Variants in IL23R observed in about 807,000 individuals in gnomAD.
IL23R encodes interleukin-23 receptor.
IL23R carries 34 observed loss-of-function variants against 56.9 expected under a neutral mutation model. The ratio of observed to expected loss-of-function variants is 0.60; its 90% CI spans 0.45 to 0.80. IL23R has a LOEUF of 0.80. Among genes scored for constraint, IL23R ranks in the 30% least tolerant of loss-of-function variants. The probability of loss-of-function intolerance (pLI) is 0.00; values close to 1 mark genes in which losing one functional copy is unlikely to be tolerated. For synonymous variants in IL23R, 230 were observed against 249.2 expected, an observed-to-expected ratio of 0.92 and a Z score of 0.73; for missense variants, 635 against 730.0, an observed-to-expected ratio of 0.87 and a Z score of 1.50.
At chr1:67,183,507 C>G (rs1375154031) in intron 4 of IL23R, among the ~76,000 whole-genome samples, 1 of 152,132 alleles carries the variant, frequency 6.6e-6, no homozygotes, top group African/African-American at 2.4e-5. Context: ...TGCACTCTAG[C>G]CTGGGCGACA....
intron 4 of IL23R, among the ~76,000 whole-genome samples, chr1:67,185,046 C>G (rs979044331): frequency 1.3e-5 from 2 of 152,196 alleles, no homozygotes; most frequent in African/African-American, 4.8e-5. Context: ...TCTGCTGATG[C>G]CTTGATCTTG....
chr1:67,242,913 CAGGT>C (rs1651943878), intron 9 of IL23R, among the ~76,000 whole-genome samples: 1 of 152,122 alleles, frequency 6.6e-6, no homozygotes, highest in South Asian at 2.1e-4. Context: ...AATGTCCAAT[CAGGT>C]AGCCAAATGT....
intron 7 of IL23R, among the ~76,000 whole-genome samples, chr1:67,228,151 T>TTTCCTTCCTTCCTTCCTTCCTTCCTTCC (rs71062406): frequency 6.9e-5 from 4 of 58,106 alleles, no homozygotes; most frequent in Non-Finnish European, 9.4e-5. Flanking sequence ...TGTCTTTCTT[T>TTTCCTTCCTTCCTTCCTTCCTTCCTTCC]TTCCTTCCTT....
At chr1:67,261,779 A>G (rs1440414054), downstream of IL23R, among the ~76,000 whole-genome samples, 4 of 152,240 alleles carry the variant, frequency 2.6e-5, no homozygotes, top group South Asian at 2.1e-4. Context: ...ATTGTAATCT[A>G]TCACACATGA....
intron 7 of IL23R, among the ~76,000 whole-genome samples, chr1:67,224,033 A>G (rs1277876310): frequency 6.6e-6 from 1 of 152,212 alleles, no homozygotes; most frequent in Non-Finnish European, 1.5e-5. Context: ...ACAGTCATTC[A>G]CAAAATACTC....
At chr1:67,232,893 T>A (rs1651192674) in intron 7 of IL23R, among the ~76,000 whole-genome samples, 1 of 151,866 alleles carries the variant, frequency 6.6e-6, no homozygotes, top group Non-Finnish European at 1.5e-5. Flanking sequence ...TCTCATGAGA[T>A]ATGATGGTTT....
At chr1:67,256,533 C>A (rs10889675) in intron 10 of IL23R, among the ~76,000 whole-genome samples, 17,856 of 152,152 alleles carry the variant, frequency 0.12, 1,574 homozygotes, top group Admixed American at 0.26. Flanking sequence ...TTCCTGATAA[C>A]CCCTGGCCCT....
chr1:67,262,288 C>G (rs1043279692), downstream of IL23R, among the ~76,000 whole-genome samples: 7 of 151,944 alleles, frequency 4.6e-5, no homozygotes, highest in Non-Finnish European at 1.0e-4. Flanking sequence ...GTCATTGCCC[C>G]CAAGGAGCTT....
intron 1 of IL23R, among the ~76,000 whole-genome samples, chr1:67,147,058 A>AT (rs143373276): frequency 1.8e-4 from 27 of 150,680 alleles, no homozygotes; most frequent in African/African-American, 2.7e-4. Context: ...CTTCTCTGAG[A>AT]TTTTTTTTTT....
chr1:67,200,647 A>G, intron 4 of IL23R, 90 bp from the exon 5 acceptor site: 1 of 1,368,402 alleles, frequency 7.3e-7, no homozygotes, highest in Non-Finnish European at 1.0e-6. Context: ...GGTCTCCCAA[A>G]ATGCTAGGAT....
At chr1:67,222,108 T>C (rs1227265430) in intron 7 of IL23R, among the ~76,000 whole-genome samples, 6 of 112,818 alleles carry the variant, frequency 5.3e-5, no homozygotes, top group African/African-American at 2.2e-4. Context: ...CTTTCTTTTT[T>C]TTTTTTTTTT....
At chr1:67,183,493 C>T (rs1312286827) in intron 4 of IL23R, among the ~76,000 whole-genome samples, 1 of 152,130 alleles carries the variant, frequency 6.6e-6, no homozygotes, top group Non-Finnish European at 1.5e-5. Flanking sequence ...CGAGACTGTG[C>T]CACTGCACTC....
Position 67,174,452 on chromosome 1 carries a change from A to G in IL23R, c.367+4814A>G, listed in dbSNP as rs1479510726. Among the ~76,000 whole-genome samples the G allele has an allele frequency of 3.3e-5, 5 of 152,072 alleles. No individual in the cohort carries two copies. In the East Asian group the frequency reaches 9.7e-4, roughly 29 times the overall value. ...GCAATATTTTTGGTAAGCAATTTGC[A>G]GGTGAAGTGAAAGCATATATGTACT... On this transcript the variant is annotated intron_variant, in intron 3 of 10. Transcript: ENST00000347310.
chr1:67,182,630 TGCACCCACTGTCCC>T (rs1046024842), intron 3 of IL23R, among the ~76,000 whole-genome samples, 192 bp from the exon 4 acceptor site: 9 of 152,254 alleles, frequency 5.9e-5, no homozygotes, highest in Middle Eastern at 3.4e-3. Flanking sequence ...CTCTGTGCAC[TGCACCCACTGTCCC>T]GCACCCACTG....
chr1:67,237,572 T>G (rs1651567026), intron 8 of IL23R, among the ~76,000 whole-genome samples: 2 of 152,234 alleles, frequency 1.3e-5, no homozygotes, highest in African/African-American at 4.8e-5. Flanking sequence ...ATTCAAATCC[T>G]TTTCTTTCAA....
At chr1:67,220,358 G>A (rs775160013) in intron 7 of IL23R, among the ~76,000 whole-genome samples, 1 of 151,196 alleles carries the variant, frequency 6.6e-6, no homozygotes, top group Non-Finnish European at 1.5e-5. Context: ...AAGAGAGAGA[G>A]ACTTGGTCTC....
intron 5 of IL23R, among the ~76,000 whole-genome samples, chr1:67,201,654 T>C (rs1030284235): frequency 2.0e-5 from 3 of 152,046 alleles, no homozygotes; most frequent in African/African-American, 7.2e-5. Flanking sequence ...TATACACTAC[T>C]TGGGGACTTA....
At chr1:67,177,666 T>C (rs943730893) in intron 3 of IL23R, among the ~76,000 whole-genome samples, 1 of 151,522 alleles carries the variant, frequency 6.6e-6, no homozygotes, top group Middle Eastern at 3.4e-3. Flanking sequence ...CCATTGTTTT[T>C]AGTGTTTTCA....
At chr1:67,234,646 T>C (rs900501243) in intron 7 of IL23R, among the ~76,000 whole-genome samples, 1 of 151,482 alleles carries the variant, frequency 6.6e-6, no homozygotes, top group Non-Finnish European at 1.5e-5. Flanking sequence ...CAGCATATGC[T>C]ATAAGCCCAT....
Sources: allele counts gnomAD v4.1 joint callset (sites outside exome capture counted in the v4.1 genomes callset), GRCh38; gene constraint gnomAD v4.1.1; transcripts MANE v1.5; gene names NCBI Gene and HGNC (gene_info 2026-07-23, HGNC 2026-07-21).